The following DAPK2 variants were observed in gnomAD, a reference collection of about 807,000 sequenced individuals.
The protein encoded by DAPK2 is death associated protein kinase 2.
A neutral mutation model predicts 44.1 loss-of-function variants in DAPK2; 35 were observed. That is an observed-to-expected ratio of 0.79 (90% CI 0.61 to 1.05). The LOEUF is 1.05. Among genes scored for constraint, DAPK2 ranks in the 50% least tolerant of loss-of-function variants. DAPK2 has a pLI of 0.00. For synonymous variants in DAPK2, 174 were observed against 182.6 expected (o/e 0.95, Z 0.38); for missense variants, 453 against 483.2 (o/e 0.94, Z 0.59).
chr15:63,918,832 G>A (rs1400014274), intron 8 of DAPK2: 1 of 152,310 alleles, frequency 6.6e-6, no homozygotes, highest in Non-Finnish European at 1.5e-5. Context: ...GCGGCAGAGT[G>A]AGACTCTGTG....
At chr15:63,955,666 TA>T (rs2077703968) in intron 3 of DAPK2, among the ~76,000 whole-genome samples, 1 of 152,100 alleles carries the variant, frequency 6.6e-6, no homozygotes, top group Non-Finnish European at 1.5e-5. Context: ...CTCCAGGGCT[TA>T]GGTGATCCTC....
chr15:63,993,668 G>C (rs1399135840), intron 1 of DAPK2, among the ~76,000 whole-genome samples: 1 of 152,110 alleles, frequency 6.6e-6, no homozygotes. Context: ...GAATGGGGAA[G>C]ACTACATATC....
At chr15:64,011,217 C>A (rs2079381021) in intron 1 of DAPK2, among the ~76,000 whole-genome samples, 1 of 152,140 alleles carries the variant, frequency 6.6e-6, no homozygotes, top group Non-Finnish European at 1.5e-5. Flanking sequence ...CTTCTGGCAC[C>A]AAGTCACCTC....
At position 63,980,798 on chromosome 15, in the gene DAPK2, A is replaced by ATG. The variant is rs1555473674; in HGVS notation, c.314+2734_314+2735insCA. ...CGTATTAGGCAGTGGGACCTTTAAGACGTGATTGGGTCGGGGTGCGGTGGC... is the reference window on the plus strand; with the variant it reads ...CGTATTAGGCAGTGGGACCTTTAAGATGCGTGATTGGGTCGGGGTGCGGTGGC... On this transcript the variant is annotated intron_variant, in intron 2 of 10. Transcript: ENST00000261891. This position sits in a 1 kb window ranked among gnomAD's most constrained non-coding sequence, Gnocchi z 4.3. Among the ~76,000 whole-genome samples, 24 of 152,048 alleles carry ATG rather than the reference A, an allele frequency of 1.6e-4. No homozygotes were observed. Among genetic ancestry groups the ATG allele is most frequent in the Admixed American group, 3.9e-4 (6 of 15,286 alleles).
At chr15:63,947,301 C>T (rs1195525902) in intron 3 of DAPK2, among the ~76,000 whole-genome samples, 1 of 151,138 alleles carries the variant, frequency 6.6e-6, no homozygotes, top group Non-Finnish European at 1.5e-5. Context: ...CACTACAATT[C>T]CTTCCTTACA....
intron 1 of DAPK2, among the ~76,000 whole-genome samples, chr15:64,033,847 A>G (rs922969731): frequency 3.3e-5 from 5 of 151,812 alleles, no homozygotes; most frequent in Non-Finnish European, 5.9e-5. Context: ...CCCGGGAGGC[A>G]GAGCTTGCAG....
At chr15:63,925,984 G>C in exon 7 of DAPK2, 1 of 1,614,178 alleles carries the variant, frequency 6.2e-7, no homozygotes, top group Non-Finnish European at 8.5e-7. Context: ...TCCTTGGCCA[G>C]CTCGCTCGTC....
intron 2 of DAPK2, among the ~76,000 whole-genome samples, chr15:63,979,512 G>A (rs540041652): frequency 1.3e-5 from 2 of 152,284 alleles, no homozygotes; most frequent in South Asian, 2.1e-4. Flanking sequence ...CTGAGTAGGT[G>A]GATACTAACA....
chr15:63,927,630 A>G (rs2079336078), intron 6 of DAPK2, among the ~76,000 whole-genome samples: 1 of 152,170 alleles, frequency 6.6e-6, no homozygotes, highest in African/African-American at 2.4e-5. Flanking sequence ...ACCCTCCTTC[A>G]TGTCAGTATC....
chr15:64,004,257 A>G (rs1213189537), intron 1 of DAPK2, among the ~76,000 whole-genome samples: 1 of 152,024 alleles, frequency 6.6e-6, no homozygotes, highest in Non-Finnish European at 1.5e-5. Flanking sequence ...TGCCCCCTGT[A>G]TTTCCTGTAA....
intron 3 of DAPK2, among the ~76,000 whole-genome samples, chr15:63,950,139 C>A (rs1345153995): frequency 1.3e-5 from 2 of 152,206 alleles, no homozygotes; most frequent in East Asian, 1.9e-4. Flanking sequence ...GTTCTACTTT[C>A]AAATGTATGC....
At chr15:63,930,702 G>T (rs1043337494) in intron 4 of DAPK2, among the ~76,000 whole-genome samples, 3 of 152,120 alleles carry the variant, frequency 2.0e-5, no homozygotes, top group African/African-American at 7.2e-5. Flanking sequence ...AAGAAGTAGA[G>T]TCTTTAGGAG....
upstream of DAPK2, among the ~76,000 whole-genome samples, chr15:64,041,654 C>T (rs915069372): frequency 3.3e-5 from 5 of 152,230 alleles, no homozygotes; most frequent in Admixed American, 3.3e-4. Flanking sequence ...ATCCCAACCA[C>T]ACATGGGCTC....
intron 3 of DAPK2, among the ~76,000 whole-genome samples, chr15:63,970,873 A>G (rs1422290232): frequency 3.3e-5 from 5 of 152,200 alleles, no homozygotes; most frequent in East Asian, 1.9e-4. Flanking sequence ...ACCAGTCACC[A>G]TAAATGATCA....
chr15:63,938,105 G>A lies in DAPK2; in HGVS notation c.583+1127C>T, dbSNP rs564256559. Among the ~76,000 whole-genome samples the A allele has an allele frequency of 4.3e-4, 66 of 152,300 alleles. 1 individual carries two copies. Among genetic ancestry groups the A allele is most frequent in the African/African-American group, 1.5e-3 (64 of 41,580 alleles). On this transcript the variant is annotated intron_variant, in intron 4 of 10. Coordinates refer to ENST00000261891, the Ensembl canonical transcript of DAPK2. ...CCAGAAAATCTAAAAAGATCCTTCT[G>A]GCACTCTTTTTTGATGGTTTGATGC...
chr15:63,943,206 T>C (rs2077362156), intron 3 of DAPK2, among the ~76,000 whole-genome samples: 1 of 151,726 alleles, frequency 6.6e-6, no homozygotes. Flanking sequence ...GGAGGATTGC[T>C]TAAGCCCAGG....
chr15:63,932,489 AAAG>A (rs1477447492), intron 4 of DAPK2: 9 of 140,436 alleles, frequency 6.4e-5, no homozygotes, highest in Non-Finnish European at 1.4e-4. Flanking sequence ...AAAAAAAAAA[AAAG>A]AAGCTACAAA....
chr15:64,041,242 G>GTTAGTTCC (rs2080347053), upstream of DAPK2, among the ~76,000 whole-genome samples: 1 of 152,170 alleles, frequency 6.6e-6, no homozygotes, highest in African/African-American at 2.4e-5. Context: ...TCAGGAGCCT[G>GTTAGTTCC]AGGTGCTAGT....
intron 1 of DAPK2, among the ~76,000 whole-genome samples, chr15:63,994,987 AT>A (rs981308260): frequency 1.3e-5 from 2 of 152,068 alleles, no homozygotes; most frequent in African/African-American, 4.8e-5. Flanking sequence ...GATCATTAAC[AT>A]CTCCTCATAT....
Sources: allele counts gnomAD v4.1 joint callset (sites outside exome capture counted in the v4.1 genomes callset), GRCh38; gene constraint gnomAD v4.1.1; non-coding constraint Gnocchi (gnomAD v3.1); transcripts MANE v1.5; gene names NCBI Gene and HGNC (gene_info 2026-07-23, HGNC 2026-07-21).